The following TSHZ1 variants were observed in gnomAD, a reference collection of about 807,000 sequenced individuals.
The protein encoded by TSHZ1 is teashirt zinc finger homeobox 1, also known as teashirt homolog 1.
A neutral mutation model predicts 67.1 loss-of-function variants in TSHZ1; 12 were observed. The ratio of observed to expected loss-of-function variants is 0.18; its 90% confidence interval spans 0.11 to 0.29. The LOEUF (loss-of-function observed/expected upper bound fraction) is 0.29. Ranked by LOEUF, TSHZ1 falls within the 10% of genes least tolerant of loss-of-function variation. TSHZ1 has a pLI of 1.00. For synonymous variants in TSHZ1, 632 were observed against 622.4 expected, an observed-to-expected ratio of 1.02 and a Z score of -0.23; for missense variants, 1,305 against 1,413.9, an observed-to-expected ratio of 0.92 and a Z score of 1.23.
chr18:75,211,677 C>T lies in TSHZ1; in HGVS notation c.-200C>T, dbSNP rs2022692122. The T allele has an allele frequency of 1.3e-5, 2 of 148,274 alleles. No individual in the cohort carries two copies. Among genetic ancestry groups the T allele is most frequent in the African/African-American group, 5.0e-5 (2 of 39,964 alleles). The allele number at this position is 148,274 out of a possible 1,614,324, so 9.2% of individuals were successfully genotyped here. A position where few individuals can be genotyped will look rare whatever the true frequency, so the allele number is the denominator to read the frequency against. On this transcript the variant is annotated 5_prime_UTR_variant, in exon 1 of 2. Transcript: ENST00000580243. ...GAAGCGGGCCGCGCGGCCGCCGCCG[C>T]CGCCTCCTGAGCGGCCCCGGGCGCG...
At chr18:75,216,888 C>T (rs1044742178) in intron 1 of TSHZ1, among the ~76,000 whole-genome samples, 1 of 152,094 alleles carries the variant, frequency 6.6e-6, no homozygotes, top group Non-Finnish European at 1.5e-5. Context: ...TGGGCCGGGA[C>T]CCACTCCTGT....
chr18:75,243,096 G>A (rs1420693969), intron 1 of TSHZ1, among the ~76,000 whole-genome samples: 1 of 152,192 alleles, frequency 6.6e-6, no homozygotes, highest in African/African-American at 2.4e-5. Flanking sequence ...CACAGCCTAG[G>A]ATGCAGCTGG....
chr18:75,228,697 A>G (rs2022957168), intron 1 of TSHZ1, among the ~76,000 whole-genome samples: 1 of 152,240 alleles, frequency 6.6e-6, no homozygotes. Context: ...TTTGCTCAGT[A>G]GGGAGTTGGT....
At chr18:75,240,125 A>G (rs999793897) in intron 1 of TSHZ1, among the ~76,000 whole-genome samples, 26 of 152,212 alleles carry the variant, frequency 1.7e-4, no homozygotes, top group African/African-American at 4.8e-4. Context: ...GAATATAAAT[A>G]TCCTTGGAGA....
rs934212563 is a variant in TSHZ1, at chr18:75,285,519, T to G, written c.112T>G (p.Leu38Val). The change falls in exon 2 of 2, where the codon TTG becomes GTG. Residue 38 changes from leucine to valine, a missense_variant. Coordinates refer to ENST00000580243, the MANE Select transcript of TSHZ1 (RefSeq NM_001308210.2). ...EEHVEDDGLS[L>V]DIQESEYMCN... is the part of the protein sequence containing the mutation. ...GCACGTGGAGGATGACGGGCTGTCT[T>G]TGGACATTCAGGAAAGTGAGTACAT... 1 of 1,545,810 alleles carries G rather than the reference T, an allele frequency of 6.5e-7. No individual in the cohort carries two copies. Among genetic ancestry groups the G allele is most frequent in the Non-Finnish European group, 8.8e-7 (1 of 1,141,664 alleles).
chr18:75,261,975 T>C (rs1219354085), intron 1 of TSHZ1, among the ~76,000 whole-genome samples: 2 of 152,190 alleles, frequency 1.3e-5, no homozygotes, highest in African/African-American at 4.8e-5. Context: ...TGACCTGTAT[T>C]CTCTCCAGGA....
At chr18:75,236,352 C>T (rs1186516955) in intron 1 of TSHZ1, among the ~76,000 whole-genome samples, 3 of 152,128 alleles carry the variant, frequency 2.0e-5, no homozygotes, top group Admixed American at 2.0e-4. Context: ...CTGCGTCTTC[C>T]CCGTGCCTCT....
chr18:75,222,659 A>G (rs894591635), intron 1 of TSHZ1, among the ~76,000 whole-genome samples: 1 of 152,156 alleles, frequency 6.6e-6, no homozygotes, highest in Non-Finnish European at 1.5e-5. Context: ...AAATTATGCA[A>G]AATGAGATGC....
intron 1 of TSHZ1, among the ~76,000 whole-genome samples, chr18:75,229,913 A>G (rs2022975721): frequency 6.6e-6 from 1 of 152,218 alleles, no homozygotes; most frequent in Non-Finnish European, 1.5e-5. Flanking sequence ...ACAGGAAAAT[A>G]CCATCTGGAA....
Position 75,234,471 on chromosome 18 carries a change from A to G in TSHZ1, c.40+22555A>G, listed in dbSNP as rs573441311. On this transcript the variant is annotated intron_variant, in intron 1 of 1. Transcript: ENST00000580243. ...TGCAGCATTTTGTGCTCTTCAGAGG[A>G]CAATTGCTCCAAAATCTAATAAGTC... 3.2e-4 allele frequency among the ~76,000 whole-genome samples: 49 copies of G among 152,264 alleles called. 1 individual carries two copies. In the South Asian group the frequency reaches 1.0e-2, roughly 31 times the overall value.
intron 1 of TSHZ1, among the ~76,000 whole-genome samples, chr18:75,276,154 CA>C (rs2023611601): frequency 1.3e-5 from 2 of 152,276 alleles, no homozygotes; most frequent in South Asian, 4.1e-4. Flanking sequence ...AAATTGAATT[CA>C]GGGGCAGTGA....
At chr18:75,263,529 A>G (rs1455610263) in intron 1 of TSHZ1, among the ~76,000 whole-genome samples, 1 of 152,242 alleles carries the variant, frequency 6.6e-6, no homozygotes, top group Non-Finnish European at 1.5e-5. Flanking sequence ...TAAATTATGT[A>G]CTTATCAGTT....
At chr18:75,236,853 T>C (rs1351238164) in intron 1 of TSHZ1, among the ~76,000 whole-genome samples, 2 of 152,166 alleles carry the variant, frequency 1.3e-5, no homozygotes, top group East Asian at 3.8e-4. Context: ...TGCACACAGG[T>C]TGATGTCATA....
chr18:75,226,679 C>T (rs1352397260), intron 1 of TSHZ1, among the ~76,000 whole-genome samples: 1 of 151,968 alleles, frequency 6.6e-6, no homozygotes. Context: ...TTTCCTTTTC[C>T]CTGGAGCCAT....
chr18:75,262,684 G>A (rs2023445269), intron 1 of TSHZ1, among the ~76,000 whole-genome samples: 1 of 152,226 alleles, frequency 6.6e-6, no homozygotes. Flanking sequence ...GCACTTCTCT[G>A]TTTCCAAGTG....
chr18:75,287,448 C>G lies in TSHZ1; in HGVS notation c.2041C>G (p.Pro681Ala). The change falls in exon 2 of 2, where the codon CCG becomes GCG. Residue 681 changes from proline (P) to alanine (A), a missense_variant. By Grantham distance (27) the Pro-to-Ala change is conservative. Coordinates refer to ENST00000580243, the MANE Select transcript of TSHZ1 (RefSeq NM_001308210.2). This position sits in a 1 kb window ranked among gnomAD's most constrained non-coding sequence, Gnocchi z 5.0. Reference protein sequence around the residue: ...SPIAKENKDFPKTEEVSGKPQ... With the variant: ...SPIAKENKDFAKTEEVSGKPQ... The stretch of plus-strand genomic sequence containing the variant: ...CATAGCAAAAGAGAATAAAGATTTC[C>G]CGAAAACGGAGGAAGTCAGCGGCAA... The G allele has an allele frequency of 6.2e-7, 1 of 1,614,190 alleles. No individual in the cohort carries two copies. The highest frequency in any genetic ancestry group is 1.1e-5 in the South Asian group (1 of 91,084).
intron 1 of TSHZ1, among the ~76,000 whole-genome samples, chr18:75,252,562 A>G (rs1246109081): frequency 1.3e-5 from 2 of 152,116 alleles, no homozygotes; most frequent in Non-Finnish European, 2.9e-5. Flanking sequence ...TATTTTTATG[A>G]ATTGATTGTT....
intron 1 of TSHZ1, among the ~76,000 whole-genome samples, chr18:75,252,732 T>C (rs2023319405): frequency 6.6e-6 from 1 of 152,180 alleles, no homozygotes; most frequent in South Asian, 2.1e-4. Context: ...AATATAGATA[T>C]ATGTATATAT....
intron 1 of TSHZ1, among the ~76,000 whole-genome samples, chr18:75,268,647 G>A (rs1474239847): frequency 6.6e-6 from 1 of 152,164 alleles, no homozygotes. Context: ...TGCGGTGATT[G>A]CCACGACTTC....
Sources: allele counts gnomAD v4.1 joint callset (sites outside exome capture counted in the v4.1 genomes callset), GRCh38; gene constraint gnomAD v4.1.1; non-coding constraint Gnocchi (gnomAD v3.1); transcripts MANE v1.5; gene names NCBI Gene and HGNC (gene_info 2026-07-23, HGNC 2026-07-21).